RAB3IP: variants seen among roughly 807,000 people sequenced by gnomAD.
The protein encoded by RAB3IP is RAB3A interacting protein.
Under a neutral mutation model 59.1 loss-of-function variants are expected in RAB3IP, and 36 were observed. The observed-to-expected ratio is 0.61, with a 90% CI of 0.47 to 0.80. The LOEUF is 0.80. RAB3IP is among the 30% of genes least tolerant of loss of function. RAB3IP has a pLI of 0.00. For missense variants in RAB3IP, 511 were observed against 536.0 expected, an observed-to-expected ratio of 0.95 and a Z score of 0.46; for synonymous variants, 207 against 191.2, an observed-to-expected ratio of 1.08 and a Z score of -0.68.
intron 8 of RAB3IP, among the ~76,000 whole-genome samples, chr12:69,802,106 T>C (rs1050368056): frequency 2.6e-5 from 4 of 151,656 alleles, no homozygotes; most frequent in Non-Finnish European, 4.4e-5. Flanking sequence ...TGTGACCTAT[T>C]AGTGGATTGT....
At chr12:69,739,289 C>T (rs1176085853) in intron 1 of RAB3IP, 2 of 152,398 alleles carry the variant, frequency 1.3e-5, no homozygotes, top group South Asian at 2.1e-4. Context: ...CAGCCGGCCG[C>T]CCCCTGGGCT....
At chr12:69,814,626 A>G (rs1200503877) in intron 10 of RAB3IP, among the ~76,000 whole-genome samples, 2 of 151,970 alleles carry the variant, frequency 1.3e-5, no homozygotes, top group African/African-American at 4.8e-5. Context: ...AAATGTTTCT[A>G]TTCATTGCCA....
chr12:69,803,846 A>G (rs1243915455), intron 8 of RAB3IP, among the ~76,000 whole-genome samples: 1 of 152,038 alleles, frequency 6.6e-6, no homozygotes, highest in South Asian at 2.1e-4. Flanking sequence ...TTTTATGGCT[A>G]CATAGTATTC....
intron 4 of RAB3IP, among the ~76,000 whole-genome samples, chr12:69,794,032 G>A (rs906127531): frequency 6.6e-6 from 1 of 152,052 alleles, no homozygotes; most frequent in Non-Finnish European, 1.5e-5. Flanking sequence ...CAACATTATT[G>A]GTGTGTTAAT....
At position 69,756,440 on chromosome 12, in the gene RAB3IP, C is replaced by T; in HGVS notation, c.287C>T (p.Ser96Phe). ...ACAGACCCAGCCCCTTGCTCTACCT[C>T]TGGAGTCACAGCTGGATTAACTAAA... ...HVTDPAPCST[S>F]GVTAGLTKLT... Residue 96 changes from serine to phenylalanine, a missense_variant, in exon 3 of 11, where the codon TCT becomes TTT. Ser to Phe is a radical substitution (Grantham distance 155). Transcript: ENST00000247833. 6.2e-7 allele frequency: 1 copy of T among 1,614,108 alleles called. No homozygotes were observed. Among genetic ancestry groups the T allele is most frequent in the Non-Finnish European group, 8.5e-7 (1 of 1,179,966 alleles).
intron 3 of RAB3IP, among the ~76,000 whole-genome samples, chr12:69,784,507 G>A (rs2136203984): frequency 6.6e-6 from 1 of 151,188 alleles, no homozygotes; most frequent in Middle Eastern, 3.5e-3. Context: ...TGAAAGAAAT[G>A]TGAAAATTTA....
chr12:69,784,814 A>G lies in RAB3IP; in HGVS notation c.605A>G (p.Glu202Gly), dbSNP rs764973503. The G allele has an allele frequency of 1.3e-6, 2 of 1,592,150 alleles. No homozygotes were observed. The highest frequency in any genetic ancestry group is 8.6e-7 in the Non-Finnish European group (1 of 1,163,934). The change falls in exon 4 of 11, where the codon GAG becomes GGG. Residue 202 changes from glutamate to glycine, a missense_variant and splice_region_variant. By Grantham distance (98) the Glu-to-Gly change is moderately conservative. Coordinates refer to ENST00000247833, the MANE Select transcript of RAB3IP (RefSeq NM_022456.5). ...ELEELTASLF[E>G]EAHKMVREAN... Reference sequence around the variant, plus strand: ...GAAGAACTCACAGCTAGTCTATTTGAGGTTGGTCTATTTACATCTTGGCCA... The same window carrying G: ...GAAGAACTCACAGCTAGTCTATTTGGGGTTGGTCTATTTACATCTTGGCCA...
At chr12:69,756,287 A>C (rs368275827) in intron 2 of RAB3IP, 118 bp from the exon 3 acceptor site, 39 of 1,002,854 alleles carry the variant, frequency 3.9e-5, no homozygotes, top group Admixed American at 1.7e-4. Flanking sequence ...AGGACATACT[A>C]TTTATTTAAA....
At chr12:69,782,153 CATT>C (rs963783229) in intron 3 of RAB3IP, among the ~76,000 whole-genome samples, 6 of 152,030 alleles carry the variant, frequency 3.9e-5, no homozygotes, top group African/African-American at 1.4e-4. Flanking sequence ...CAGGGTATCT[CATT>C]GTTTTTTTGT....
At chr12:69,796,663 C>T (rs757593807) in intron 6 of RAB3IP, 2 of 612,312 alleles carry the variant, frequency 3.3e-6, no homozygotes, top group South Asian at 4.0e-5. Flanking sequence ...AAGTTCAATA[C>T]TTGGTTAAAT....
intron 3 of RAB3IP, among the ~76,000 whole-genome samples, chr12:69,771,718 T>C (rs1873148495): frequency 6.6e-6 from 1 of 152,210 alleles, no homozygotes; most frequent in African/African-American, 2.4e-5. Flanking sequence ...AGAACCTCCA[T>C]ACTGTTGTCT....
intron 1 of RAB3IP, among the ~76,000 whole-genome samples, chr12:69,751,569 T>G (rs578039635): frequency 1.3e-5 from 2 of 152,320 alleles, no homozygotes; most frequent in East Asian, 3.8e-4. Context: ...TTGTAGTTTT[T>G]CTAATATGCT....
chr12:69,766,646 G>A (rs1000635668), intron 3 of RAB3IP, among the ~76,000 whole-genome samples: 9 of 151,484 alleles, frequency 5.9e-5, no homozygotes, highest in Non-Finnish European at 8.8e-5. Flanking sequence ...TCAGTCTCCC[G>A]AAGTAGCTGG....
At chr12:69,749,996 T>G (rs1466206513) in intron 1 of RAB3IP, among the ~76,000 whole-genome samples, 1 of 152,218 alleles carries the variant, frequency 6.6e-6, no homozygotes. Context: ...CATGATGGAT[T>G]TTAATTCAAA....
At chr12:69,813,820 G>A (rs1592637781) in intron 10 of RAB3IP, among the ~76,000 whole-genome samples, 1 of 151,800 alleles carries the variant, frequency 6.6e-6, no homozygotes, top group Non-Finnish European at 1.5e-5. Context: ...TTAAACACTG[G>A]TAGAAGCCTA....
At position 69,812,807 on chromosome 12, in the gene RAB3IP, C is replaced by A; in HGVS notation, c.1160C>A (p.Ser387Tyr). The A allele has an allele frequency of 6.2e-7, 1 of 1,612,970 alleles. No homozygotes were observed. The highest frequency in any genetic ancestry group is 8.5e-7 in the Non-Finnish European group (1 of 1,179,092). The change falls in exon 9 of 11, where the codon TCC becomes TAC. Residue 387 changes from serine (S) to tyrosine (Y), a missense_variant. Coordinates refer to ENST00000247833, the MANE Select transcript of RAB3IP (RefSeq NM_022456.5). ...KKCALTGQSKSCKHRIKLGDS... is the reference protein window; with the variant it reads ...KKCALTGQSKYCKHRIKLGDS... ...TGTGCTCTCACTGGCCAGAGTAAGTCCTGTAAACACAGAATTAAATTAGGG... is the reference window on the plus strand; with the variant it reads ...TGTGCTCTCACTGGCCAGAGTAAGTACTGTAAACACAGAATTAAATTAGGG...
intron 8 of RAB3IP, 55 bp downstream of exon 8, chr12:69,801,776 G>T: frequency 9.2e-7 from 1 of 1,091,922 alleles, no homozygotes. Flanking sequence ...AAATGTTATG[G>T]GTTGCAGTTA....
chr12:69,759,864 C>A (rs1003384119), intron 3 of RAB3IP, among the ~76,000 whole-genome samples: 14 of 151,720 alleles, frequency 9.2e-5, no homozygotes, highest in Non-Finnish European at 1.6e-4. Flanking sequence ...GACGGGGCTG[C>A]CGGGCAGAGA....
chr12:69,812,129 G>A (rs1445607063), intron 8 of RAB3IP: 4 of 152,262 alleles, frequency 2.6e-5, no homozygotes, highest in South Asian at 2.1e-4. Context: ...ATGAATCAAA[G>A]TCCCTGCCCT....
Sources: gnomAD v4.1 joint callset for allele counts (sites outside exome capture counted in the v4.1 genomes callset) on GRCh38, gnomAD v4.1.1 for gene constraint, MANE v1.5 for transcripts, NCBI Gene and HGNC (gene_info 2026-07-23, HGNC 2026-07-21) for gene names.